SUPT7L: variants seen among roughly 807,000 people sequenced by gnomAD.
SUPT7L encodes the protein SPT7 like, STAGA complex subunit gamma.
SUPT7L carries 15 observed loss-of-function variants against 35.7 expected under a neutral mutation model. The observed-to-expected ratio is 0.42, with a 90% CI of 0.28 to 0.65. SUPT7L has a LOEUF of 0.65. Among genes scored for constraint, SUPT7L ranks in the 30% least tolerant of loss-of-function variants. The probability of loss-of-function intolerance (pLI) is 0.23; values close to 1 mark genes in which losing one functional copy is unlikely to be tolerated. For synonymous variants in SUPT7L, 168 were observed against 186.2 expected (o/e 0.90, Z 0.79); for missense variants, 434 against 522.2 (o/e 0.83, Z 1.65).
downstream of SUPT7L, among the ~76,000 whole-genome samples, chr2:27,649,692 G>T (rs569753663): frequency 3.9e-5 from 6 of 152,032 alleles, no homozygotes; most frequent in Admixed American, 2.0e-4. Flanking sequence ...GTTGTTGCAT[G>T]TATCAGTATG....
Position 27,663,580 on chromosome 2 carries a change from C to G in SUPT7L, c.-341G>C, listed in dbSNP as rs1409635413. 4.9e-6 allele frequency: 3 copies of G among 618,054 alleles called. No individual in the cohort carries two copies. In the South Asian group the frequency reaches 5.9e-5, roughly 12 times the overall value. 38.3% of individuals were successfully genotyped at this position (618,054 alleles called of 1,614,324 possible). ...GAGAGGCCTGAGGCAAGGATCGCGT[C>G]AGACCCCGAAAGCTGGTTTGTTGAT... On this transcript the variant is annotated 5_prime_UTR_variant, in exon 1 of 6. Transcript: ENST00000337768.
At position 27,651,594 on chromosome 2, in the gene SUPT7L, C is replaced by T. The variant is rs1275347451; in HGVS notation, c.*1891G>A. On this transcript the variant is annotated 3_prime_UTR_variant, in exon 6 of 6. Coordinates refer to ENST00000337768, the MANE Select transcript of SUPT7L (RefSeq NM_014860.3). ...CTTTAAGAGGAGAACATTCGCAAAACTCAAGCATACTTGGTTTTTCTCTGT... is the reference window on the plus strand; with the variant it reads ...CTTTAAGAGGAGAACATTCGCAAAATTCAAGCATACTTGGTTTTTCTCTGT... The T allele has an allele frequency of 2.6e-5, 4 of 152,238 alleles. No homozygotes were observed. The highest frequency in any genetic ancestry group is 4.8e-5 in the African/African-American group (2 of 41,460). 9.4% of individuals were successfully genotyped at this position (152,238 alleles called of 1,614,324 possible).
chr2:27,656,414 T>C (rs1674806783), intron 4 of SUPT7L, among the ~76,000 whole-genome samples: 1 of 152,186 alleles, frequency 6.6e-6, no homozygotes, highest in Admixed American at 6.5e-5. Flanking sequence ...GTTTTTTTCA[T>C]AGCACTTAAC....
rs530090706 is a variant in SUPT7L at position 27,654,911 on chromosome 2, T to G, written c.982+454A>C. Among the ~76,000 whole-genome samples the G allele has an allele frequency of 3.3e-5, 5 of 152,294 alleles. No individual in the cohort carries two copies. The South Asian group carries it at 1.0e-3, about 32-fold the overall frequency. ...TTTCATCTTCAGTTTGTTAGAATACTCTAGCAGGGAAGCCAAACTCTGAGA... is the reference window on the plus strand; with the variant it reads ...TTTCATCTTCAGTTTGTTAGAATACGCTAGCAGGGAAGCCAAACTCTGAGA... On this transcript the variant is annotated intron_variant, in intron 5 of 5. Coordinates refer to ENST00000337768, the MANE Select transcript of SUPT7L (RefSeq NM_014860.3).
At position 27,653,525 on chromosome 2, in the gene SUPT7L, A is replaced by G. The variant is rs761844356; in HGVS notation, c.1205T>C (p.Val402Ala). Residue 402 changes from valine to alanine, a missense_variant, in exon 6 of 6, where the codon GTT becomes GCT. By Grantham distance (64) the Val-to-Ala change is moderately conservative. Transcript: ENST00000337768. ...STDSLMGSSP[V>A]FNQRCKKRMR... ...CCTCTTCTTGCAGCGCTGGTTGAAAACAGGGGAGGACCCCATGAGGCTGTC... is the reference window on the plus strand; with the variant it reads ...CCTCTTCTTGCAGCGCTGGTTGAAAGCAGGGGAGGACCCCATGAGGCTGTC... The G allele has an allele frequency of 3.7e-6, 6 of 1,614,176 alleles. No homozygotes were observed. In the Admixed American group the frequency reaches 1.0e-4, roughly 27 times the overall value.
At chr2:27,647,911 C>T (rs1674317246), downstream of SUPT7L, 4 of 1,612,334 alleles carry the variant, frequency 2.5e-6, no homozygotes, top group South Asian at 4.4e-5. Context: ...GATGAGGAAG[C>T]AGACAGCGAT....
the SUPT7L span, among the ~76,000 whole-genome samples, chr2:27,644,181 A>G: frequency 6.6e-6 from 1 of 152,150 alleles, no homozygotes; most frequent in Non-Finnish European, 1.5e-5. Context: ...TCCATCTTAA[A>G]AACAACAACA....
chr2:27,662,600 A>G (rs116173489), intron 1 of SUPT7L, among the ~76,000 whole-genome samples: 3,654 of 152,122 alleles, frequency 0.024, 151 homozygotes, highest in African/African-American at 0.084. Context: ...CCCTTTCTCT[A>G]TTCTCACAGT....
At chr2:27,647,896 A>AAG, downstream of SUPT7L, 1 of 1,613,802 alleles carries the variant, frequency 6.2e-7, no homozygotes, top group Non-Finnish European at 8.5e-7. Flanking sequence ...ACCTTGGATG[A>AAG]AGAGGATGAG....
chr2:27,658,270 G>T (rs1247409721), intron 3 of SUPT7L, among the ~76,000 whole-genome samples: 1 of 152,120 alleles, frequency 6.6e-6, no homozygotes, highest in Non-Finnish European at 1.5e-5. Flanking sequence ...AATGGGTAGG[G>T]TCTGTATTAT....
chr2:27,663,007 G>A (rs534245355), intron 1 of SUPT7L, among the ~76,000 whole-genome samples: 8 of 136,922 alleles, frequency 5.8e-5, no homozygotes, highest in Non-Finnish European at 1.1e-4. Flanking sequence ...AGCCTCCTCT[G>A]GAACTCCTGG....
At chr2:27,661,785 CA>C in intron 2 of SUPT7L, 1 of 429,372 alleles carries the variant, frequency 2.3e-6, no homozygotes, top group South Asian at 2.8e-5. Context: ...GAACTACCAT[CA>C]CGCTCAATCC....
At position 27,657,694 on chromosome 2, in the gene SUPT7L, T is replaced by C. The variant is rs779608401; in HGVS notation, c.420-25A>G. On this transcript the variant is annotated intron_variant, in intron 3 of 5. Transcript: ENST00000337768. This position sits in a 1 kb window ranked among gnomAD's most constrained non-coding sequence, Gnocchi z 5.2. ...ACTGAAAGTGGAGATACGGTGGTGT[T>C]ATTAATGTTCTTGCAAAGGGGTGAC... The C allele has an allele frequency of 3.8e-6, 6 of 1,590,634 alleles. No homozygotes were observed. The Admixed American group carries it at 5.2e-5, about 14-fold the overall frequency.
chr2:27,654,501 G>C (rs1674701125), intron 5 of SUPT7L, among the ~76,000 whole-genome samples: 1 of 152,200 alleles, frequency 6.6e-6, no homozygotes. Context: ...TAACCAGTCA[G>C]TTGTCCTGGC....
downstream of SUPT7L, chr2:27,648,083 G>A: frequency 3.2e-6 from 2 of 626,006 alleles, no homozygotes; most frequent in Admixed American, 2.5e-5. Flanking sequence ...TTCCTATATT[G>A]AGAGTTCCTG....
chr2:27,656,465 C>T (rs1224222103), intron 4 of SUPT7L, among the ~76,000 whole-genome samples: 3 of 152,124 alleles, frequency 2.0e-5, no homozygotes, highest in African/African-American at 7.2e-5. Flanking sequence ...TGCTTAGAGA[C>T]AGGGTCTTGC....
At chr2:27,643,719 G>T in the SUPT7L span, among the ~76,000 whole-genome samples, 7 of 152,028 alleles carry the variant, frequency 4.6e-5, no homozygotes, top group Non-Finnish European at 1.0e-4. The surrounding 1 kb of genome is among the most constrained non-coding windows in gnomAD (Gnocchi z 4.0). Context: ...TTCAGTTTAG[G>T]TTTGTCTCAT....
chr2:27,649,500 C>T (rs1674416152), downstream of SUPT7L, among the ~76,000 whole-genome samples: 1 of 152,090 alleles, frequency 6.6e-6, no homozygotes, highest in Non-Finnish European at 1.5e-5. Flanking sequence ...ACTTCCCTCA[C>T]CCCCCAAAAC....
chr2:27,661,164 A>G lies in SUPT7L; in HGVS notation c.239T>C (p.Ile80Thr). Residue 80 changes from isoleucine to threonine, a missense_variant, in exon 3 of 6, where the codon ATT becomes ACT. Ile to Thr is a moderately conservative substitution (Grantham distance 89). This residue lies in a region of SUPT7L where 77 missense variants were observed against 114.4 expected (regional missense o/e 0.67). Transcript: ENST00000337768. ...CTGATTCTGGGCCTGAGCTGTGGCAATAAGGTTGCGAAGACGTCGGTTGTG... is the reference window on the plus strand; with the variant it reads ...CTGATTCTGGGCCTGAGCTGTGGCAGTAAGGTTGCGAAGACGTCGGTTGTG... ...IQHNRRLRNL[I>T]ATAQAQNQQQ... 1 of 1,614,170 alleles carries G rather than the reference A, an allele frequency of 6.2e-7. No homozygotes were observed. Among genetic ancestry groups the G allele is most frequent in the African/African-American group, 1.3e-5 (1 of 75,028 alleles).
Sources: allele counts gnomAD v4.1 joint callset (sites outside exome capture counted in the v4.1 genomes callset), GRCh38; gene constraint gnomAD v4.1.1; regional missense constraint gnomAD v4.1.1; non-coding constraint Gnocchi (gnomAD v3.1); transcripts MANE v1.5; gene names NCBI Gene and HGNC (gene_info 2026-07-23, HGNC 2026-07-21).